MROH1: variants seen among roughly 807,000 people sequenced by gnomAD.
MROH1 encodes the protein maestro heat like repeat family member 1.
Under a neutral mutation model 116.5 loss-of-function variants are expected in MROH1, and 117 were observed. The observed-to-expected ratio is 1.00, with a 90% CI of 0.86 to 1.17. The LOEUF (loss-of-function observed/expected upper bound fraction) is 1.17. Among genes scored for constraint, MROH1 ranks in the 50% most tolerant of loss-of-function variants. The pLI, the probability that MROH1 is intolerant of heterozygous loss-of-function variation, is 0.00. For synonymous variants in MROH1, 921 were observed against 583.9 expected (o/e 1.58, Z -8.32); for missense variants, 1,873 against 1,338.5 (o/e 1.40, Z -6.23).
intron 4 of MROH1, among the ~76,000 whole-genome samples, chr8:144,168,675 G>A (rs1310334904): frequency 3.9e-5 from 6 of 152,154 alleles, no homozygotes; most frequent in African/African-American, 9.7e-5. Context: ...CCTCCTGGTC[G>A]AGGCTCTTTG....
At chr8:144,213,932 T>G (rs1443902797) in intron 12 of MROH1, 1 of 135,058 alleles carries the variant, frequency 7.4e-6, no homozygotes, top group East Asian at 1.9e-4. Flanking sequence ...TGCCATGGGG[T>G]TTTTTTTTGT....
At position 144,248,957 on chromosome 8, in the gene MROH1, G is replaced by T; in HGVS notation, c.3201G>T (p.Lys1067Asn). 1 of 755,586 alleles carries T rather than the reference G, an allele frequency of 1.3e-6. No individual in the cohort carries two copies. 46.8% of individuals were successfully genotyped at this position (755,586 alleles called of 1,614,324 possible). ...TTGAGGCCCTGGGAGACCCCGAAAA[G>T]AACTGCTCCCGAGCAGCTACCGTCA... ...TMFEALGDPE[K>N]NCSRAATVMI... is the part of the protein sequence containing the mutation. Residue 1067 changes from lysine (K) to asparagine (N), a missense_variant, in exon 32 of 44, where the codon AAG (lysine) becomes AAT (asparagine). Lys to Asn is a moderately conservative substitution (Grantham distance 94, BLOSUM62 0). Transcript: ENST00000326134.
At chr8:144,234,103 G>A (rs895236745) in intron 14 of MROH1, among the ~76,000 whole-genome samples, 8 of 152,054 alleles carry the variant, frequency 5.3e-5, no homozygotes, top group African/African-American at 1.9e-4. Context: ...TCTGCCTCCC[G>A]GGTTCACGCC....
At chr8:144,233,187 T>C (rs1343450457) in intron 14 of MROH1, among the ~76,000 whole-genome samples, 1 of 151,960 alleles carries the variant, frequency 6.6e-6, no homozygotes, top group East Asian at 1.9e-4. Flanking sequence ...AACTTGACTG[T>C]CTCAACCCAT....
intron 18 of MROH1, 41 bp from the exon 19 acceptor site, chr8:144,240,060 T>C (rs1007035418): frequency 1.3e-6 from 1 of 762,532 alleles, no homozygotes; most frequent in African/African-American, 1.7e-5. Context: ...GCCCCACTGG[T>C]GCGTTTTGGG....
Position 144,180,449 on chromosome 8 carries a change from C to T in MROH1, c.488C>T (p.Pro163Leu), listed in dbSNP as rs1350647565. ...GCGTTCGGCGTAGTCCCCTTCCTGC[C>T]ATCCGTCCTGAGCTCCCTGCTGCCC... ...ANAFGVVPFL[P>L]SVLSSLLPVL... is the part of the protein sequence containing the mutation. The change falls in exon 7 of 44, where the codon CCA (proline) becomes CTA (leucine). Residue 163 changes from proline to leucine, a missense_variant. Physicochemically the swap from Pro to Leu is moderately conservative, Grantham distance 98. Transcript: ENST00000326134. This position sits in a 1 kb window ranked among gnomAD's most constrained non-coding sequence, Gnocchi z 7.4. 6.2e-7 allele frequency: 1 copy of T among 1,613,132 alleles called. No homozygotes were observed. Among genetic ancestry groups the T allele is most frequent in the Admixed American group, 1.7e-5 (1 of 60,028 alleles).
At chr8:144,256,448 A>G (rs1365909145) in intron 35 of MROH1, among the ~76,000 whole-genome samples, 1 of 151,690 alleles carries the variant, frequency 6.6e-6, no homozygotes, top group African/African-American at 2.4e-5. Flanking sequence ...GCCGCACTTC[A>G]GCCCCCTCCC....
Position 144,250,358 on chromosome 8 carries a change from C to T in MROH1, c.3420C>T (p.Pro1140=), listed in dbSNP as rs1296873768. 1.4e-5 allele frequency: 11 copies of T among 763,998 alleles called. No homozygotes were observed. Among genetic ancestry groups the T allele is most frequent in the Non-Finnish European group, 1.9e-5 (8 of 413,518 alleles). 47.3% of individuals were successfully genotyped at this position (763,998 alleles called of 1,614,324 possible). ...VVSSLLGSPL[P]LDSHTCMLWR... ...CCAGCCTCCTGGGCAGCCCCTTGCC[C>T]TTGGACAGGTACCCAGCTCAGACTC... The change falls in exon 33 of 44, where the codon CCC becomes CCT. Residue 1140 remains proline (P), a synonymous_variant. Coordinates refer to ENST00000326134, the MANE Select transcript of MROH1 (RefSeq NM_032450.3).
In MROH1 at chr8:144,233,407, G is replaced by A. The variant is rs1554823486; in HGVS notation, c.1339-5349G>A. ...ACCCACCATCCACCTTCCCTCCCCC[G>A]CAGCTCCTGCACCCACCATCCACCT... On this transcript the variant is annotated intron_variant, in intron 14 of 43. Transcript: ENST00000326134. Among the ~76,000 whole-genome samples, 5 of 116,230 alleles carry A rather than the reference G, an allele frequency of 4.3e-5. No homozygotes were observed. In the East Asian group the frequency reaches 9.0e-4, roughly 21 times the overall value. The allele number at this position is 116,230 out of a possible 152,430, so 76.3% of individuals were successfully genotyped here.
intron 37 of MROH1, among the ~76,000 whole-genome samples, 199 bp downstream of exon 37, chr8:144,259,553 G>A (rs1341644198): frequency 6.6e-6 from 1 of 152,234 alleles, no homozygotes. Flanking sequence ...TGCCTGGTGA[G>A]AGGAGGACCG....
At chr8:144,173,396 T>TTTTA (rs1331022093) in intron 4 of MROH1, among the ~76,000 whole-genome samples, 4 of 148,344 alleles carry the variant, frequency 2.7e-5, no homozygotes, top group South Asian at 4.2e-4. Flanking sequence ...GATTCTTCTT[T>TTTTA]TTTATTTATT....
At chr8:144,200,284 G>A in intron 11 of MROH1, 144 bp from the exon 12 acceptor site, 2 of 641,176 alleles carry the variant, frequency 3.1e-6, no homozygotes, top group South Asian at 2.2e-5. Flanking sequence ...TCGGAGCCAG[G>A]CCCAGCGATT....
At chr8:144,254,485 T>C in intron 33 of MROH1, 1 of 282,506 alleles carries the variant, frequency 3.5e-6, no homozygotes, top group South Asian at 5.7e-5. Context: ...TCCTGAGGCC[T>C]GGGCCAGATG....
intron 21 of MROH1, 50 bp from the exon 22 acceptor site, chr8:144,241,345 T>C (rs1793489744): frequency 1.4e-6 from 1 of 735,280 alleles, no homozygotes; most frequent in African/African-American, 1.7e-5. Context: ...TGCGTGCATG[T>C]GTGGCAGTGC....
chr8:144,172,140 T>C (rs931151771), intron 4 of MROH1, among the ~76,000 whole-genome samples: 4 of 152,192 alleles, frequency 2.6e-5, no homozygotes, highest in African/African-American at 7.2e-5. Flanking sequence ...TATTTTGAAA[T>C]GGCCCTGCAA....
chr8:144,204,751 G>A (rs963512279), intron 12 of MROH1, among the ~76,000 whole-genome samples: 4 of 152,176 alleles, frequency 2.6e-5, no homozygotes, highest in African/African-American at 7.2e-5. Flanking sequence ...TCCCGTGAAG[G>A]ATTCCAGTGA....
chr8:144,240,764 C>G, intron 20 of MROH1, 87 bp downstream of exon 20: 1 of 697,520 alleles, frequency 1.4e-6, no homozygotes, highest in Non-Finnish European at 2.6e-6. Context: ...TGGGCCCTGT[C>G]TCCCGTGGCC....
Position 144,245,164 on chromosome 8 carries a change from C to T in MROH1, c.2775C>T (p.Ser925=). The T allele has an allele frequency of 1.3e-6, 1 of 779,164 alleles. No homozygotes were observed. Among genetic ancestry groups the T allele is most frequent in the East Asian group, 2.4e-5 (1 of 41,260 alleles). 48.3% of individuals were successfully genotyped at this position (779,164 alleles called of 1,614,324 possible). A position where few individuals can be genotyped will look rare whatever the true frequency, so the allele number is the denominator to read the frequency against. The change falls in exon 29 of 44, where the codon AGC becomes AGT. Residue 925 remains serine (S), a synonymous_variant. Coordinates refer to ENST00000326134, the MANE Select transcript of MROH1 (RefSeq NM_032450.3). ...ACGCCCCTCTTCCTCAGCACCTGAG[C>T]CCATGGATCAAGTCCCCAAGAGGTC... ...QGLQIMIEHL[S]PWIKSPRGHE...
intron 14 of MROH1, among the ~76,000 whole-genome samples, chr8:144,225,399 C>T (rs1837599598): frequency 6.6e-6 from 1 of 151,978 alleles, no homozygotes; most frequent in African/African-American, 2.4e-5. Flanking sequence ...TAACTCTTGG[C>T]CTTGAGTGAT....
Sources: gnomAD v4.1 joint callset for allele counts (sites outside exome capture counted in the v4.1 genomes callset) on GRCh38, gnomAD v4.1.1 for gene constraint, Gnocchi (gnomAD v3.1) non-coding constraint, MANE v1.5 for transcripts, NCBI Gene and HGNC (gene_info 2026-07-23, HGNC 2026-07-21) for gene names.